Variants in CSMD1 observed in about 807,000 individuals in gnomAD.
CSMD1 encodes the protein CUB and sushi domain-containing protein 1.
CSMD1 carries 213 observed loss-of-function variants against 417.5 expected under a neutral mutation model. That is an observed-to-expected ratio of 0.51 (90% CI 0.46 to 0.57). The LOEUF (loss-of-function observed/expected upper bound fraction) is 0.57, where lower values mean the gene tolerates loss of function less well. Among genes scored for constraint, CSMD1 ranks in the 20% least tolerant of loss-of-function variants. The pLI is 0.00. For missense variants in CSMD1, 6,923 were observed against 4,529.7 expected, an observed-to-expected ratio of 1.53 and a Z score of -15.17; for synonymous variants, 2,862 against 1,736.8, an observed-to-expected ratio of 1.65 and a Z score of -16.11.
At position 4,787,938 on chromosome 8, in the gene CSMD1, G is replaced by C. The variant is rs930563014; in HGVS notation, c.86-150380C>G. The C allele has an allele frequency of 3.8e-6, 6 of 1,593,840 alleles. No homozygotes were observed. The African/African-American group carries it at 6.7e-5, about 18-fold the overall frequency. On this transcript the variant is annotated intron_variant, in intron 1 of 69. Coordinates refer to ENST00000635120, the MANE Select transcript of CSMD1 (RefSeq NM_033225.6). ...AGAAATTGTTCTTGCTGATGTAATT[G>C]ACAATGATTCCTGGAGACTCTGGCC...
At chr8:4,279,602 C>G (rs1381947514) in intron 3 of CSMD1, among the ~76,000 whole-genome samples, 1 of 152,114 alleles carries the variant, frequency 6.6e-6, no homozygotes, top group Non-Finnish European at 1.5e-5. Context: ...AACAAATAGA[C>G]TCAATGAAAG....
intron 5 of CSMD1, among the ~76,000 whole-genome samples, chr8:3,794,370 G>C (rs867842248): frequency 1.3e-5 from 2 of 152,106 alleles, no homozygotes; most frequent in Non-Finnish European, 2.9e-5. Flanking sequence ...AACACTTATA[G>C]ATCATGAAGT....
In CSMD1 at chr8:4,697,765, G is replaced by A. The variant is rs116938783; in HGVS notation, c.86-60207C>T. 5.0e-4 allele frequency among the ~76,000 whole-genome samples: 76 copies of A among 152,222 alleles called. 1 individual carries two copies. The highest frequency in any genetic ancestry group is 8.4e-4 in the Non-Finnish European group (57 of 68,006). ...AAAAAAGGAAAGCATTACTCATTTG[G>A]CATTACAAACTGTGATAAAATACAC... is the stretch of plus-strand genomic sequence containing the variant. On this transcript the variant is annotated intron_variant, in intron 1 of 69. Transcript: ENST00000635120.
intron 7 of CSMD1, among the ~76,000 whole-genome samples, chr8:3,643,864 A>C (rs146073814): frequency 0.011 from 1,618 of 152,272 alleles, 24 homozygotes; most frequent in South Asian, 0.045. Context: ...AGCTTAATGA[A>C]TTAGTTAATA....
chr8:4,033,130 GAAAAAAAAAA>G (rs58668077), intron 3 of CSMD1, among the ~76,000 whole-genome samples: 1 of 80,658 alleles, frequency 1.2e-5, no homozygotes, highest in African/African-American at 5.1e-5. Context: ...TTTCCAATAT[GAAAAAAAAAA>G]AAAAAAAAAA....
chr8:4,916,480 A>C (rs1393813660), intron 1 of CSMD1, among the ~76,000 whole-genome samples: 1 of 152,236 alleles, frequency 6.6e-6, no homozygotes, highest in Non-Finnish European at 1.5e-5. Flanking sequence ...TTCAACTTGC[A>C]ATGTATGTTT....
intron 3 of CSMD1, among the ~76,000 whole-genome samples, chr8:4,081,511 C>A (rs1014979520): frequency 6.6e-5 from 10 of 152,202 alleles, no homozygotes; most frequent in Admixed American, 1.3e-4. Flanking sequence ...TGACAAGGAA[C>A]TGGGGTCCCC....
chr8:4,411,912 T>A (rs1318885481), intron 3 of CSMD1, among the ~76,000 whole-genome samples: 1 of 152,140 alleles, frequency 6.6e-6, no homozygotes, highest in South Asian at 2.1e-4. Context: ...TCAATACACA[T>A]AGGACTAAAA....
intron 37 of CSMD1, among the ~76,000 whole-genome samples, chr8:3,170,052 C>T (rs141353052): frequency 2.0e-5 from 3 of 152,218 alleles, no homozygotes; most frequent in Admixed American, 6.5e-5. Flanking sequence ...GCAGGAGTCG[C>T]GTTAGGCATA....
intron 49 of CSMD1, among the ~76,000 whole-genome samples, chr8:3,077,372 A>G (rs181340287): frequency 1.9e-3 from 288 of 152,250 alleles, no homozygotes; most frequent in Middle Eastern, 6.8e-3. Context: ...AAGCAACTCC[A>G]CACCTCAACA....
At chr8:3,041,374 C>G (rs958526271) in intron 50 of CSMD1, among the ~76,000 whole-genome samples, 1 of 152,074 alleles carries the variant, frequency 6.6e-6, no homozygotes, top group Non-Finnish European at 1.5e-5. Flanking sequence ...TCTCTGATCC[C>G]AAACATAAAG....
chr8:4,248,657 C>A (rs1165785320), intron 3 of CSMD1, among the ~76,000 whole-genome samples: 8 of 152,056 alleles, frequency 5.3e-5, no homozygotes, highest in Non-Finnish European at 7.4e-5. Context: ...TTAAGGACCA[C>A]CCACCATCAG....
Position 4,714,979 on chromosome 8 carries a change from C to T in CSMD1, c.86-77421G>A, listed in dbSNP as rs188842929. On this transcript the variant is annotated intron_variant, in intron 1 of 69. Transcript: ENST00000635120. ...GTTTTTGTAAAATTAGACTGTATTT[C>T]CCTTTATGCTCACAGATGGCAATAA... Among the ~76,000 whole-genome samples the T allele has an allele frequency of 5.0e-3, 758 of 152,264 alleles. 9 individuals carry two copies. The highest frequency in any genetic ancestry group is 0.016 in the African/African-American group (677 of 41,552).
Position 3,490,009 on chromosome 8 carries a change from A to T in CSMD1, c.1448+3614T>A, listed in dbSNP as rs1281622703. On this transcript the variant is annotated intron_variant, in intron 11 of 69. Coordinates refer to ENST00000635120, the MANE Select transcript of CSMD1 (RefSeq NM_033225.6). ...TCTGTCATTTCTCCAATTAGATGATAGACTCCATGCTGGGAAGAATGTTTG... is the reference window on the plus strand; with the variant it reads ...TCTGTCATTTCTCCAATTAGATGATTGACTCCATGCTGGGAAGAATGTTTG... Among the ~76,000 whole-genome samples, 3 of 152,228 alleles carry T rather than the reference A, an allele frequency of 2.0e-5. No homozygotes were observed. The East Asian group carries it at 5.8e-4, about 29-fold the overall frequency.
chr8:3,604,017 C>T (rs1363541044), intron 8 of CSMD1, among the ~76,000 whole-genome samples: 1 of 152,146 alleles, frequency 6.6e-6, no homozygotes, highest in South Asian at 2.1e-4. Flanking sequence ...TGTTGCCTTA[C>T]AACCTGTAAA....
chr8:4,401,938 G>A (rs568408740), intron 3 of CSMD1, among the ~76,000 whole-genome samples: 1 of 152,008 alleles, frequency 6.6e-6, no homozygotes, highest in South Asian at 2.1e-4. Context: ...ATCCCACCCT[G>A]CTCTCCCGTG....
chr8:3,604,471 C>T (rs9644345), intron 8 of CSMD1, among the ~76,000 whole-genome samples: 16,774 of 151,912 alleles, frequency 0.11, 1,102 homozygotes, highest in East Asian at 0.23. Context: ...ATGGAAAACA[C>T]GAGAAGGATC....
At chr8:4,173,075 T>A (rs898464940) in intron 3 of CSMD1, among the ~76,000 whole-genome samples, 1 of 152,100 alleles carries the variant, frequency 6.6e-6, no homozygotes, top group Non-Finnish European at 1.5e-5. Flanking sequence ...ATAACTTCCA[T>A]CTTAATTTCA....
Position 3,406,073 on chromosome 8 carries a change from C to G in CSMD1, c.2220G>C (p.Leu740=). 6.2e-7 allele frequency: 1 copy of G among 1,613,942 alleles called. No individual in the cohort carries two copies. Among genetic ancestry groups the G allele is most frequent in the Non-Finnish European group, 8.5e-7 (1 of 1,179,888 alleles). ...TQGSESITCI[L]QDGNVVWSST... ...AGCTCCAGACCACGTTCCCGTCTTG[C>G]AGTATGCAGGTAATGGACTCGGATC... Residue 740 remains leucine (L), a synonymous_variant, in exon 15 of 70, where the codon CTG becomes CTC. Coordinates refer to ENST00000635120, the MANE Select transcript of CSMD1 (RefSeq NM_033225.6).
Sources: gnomAD v4.1 joint callset for allele counts (sites outside exome capture counted in the v4.1 genomes callset) on GRCh38, gnomAD v4.1.1 for gene constraint, MANE v1.5 for transcripts, NCBI Gene and HGNC (gene_info 2026-07-23, HGNC 2026-07-21) for gene names.